MCUB: variants seen among roughly 807,000 people sequenced by gnomAD.
The protein encoded by MCUB is mitochondrial calcium uniporter dominant negative subunit beta, also known as calcium uniporter regulatory subunit MCUb, mitochondrial.
In MCUB, 46 loss-of-function variants were observed where a neutral mutation model predicts 41.4. The ratio of observed to expected loss-of-function variants is 1.11; its 90% CI spans 0.88 to 1.42. The LOEUF (loss-of-function observed/expected upper bound fraction) is 1.42. MCUB is among the 40% of genes most tolerant of loss of function. The probability of loss-of-function intolerance (pLI) is 0.00; values close to 1 mark genes in which losing one functional copy is unlikely to be tolerated. For missense variants in MCUB, 403 were observed against 404.9 expected, an observed-to-expected ratio of 1.00 and a Z score of 0.04; for synonymous variants, 148 against 148.2, an observed-to-expected ratio of 1.00 and a Z score of 0.01.
intron 1 of MCUB, among the ~76,000 whole-genome samples, chr4:109,640,319 T>A (rs1282683061): frequency 6.6e-6 from 1 of 152,222 alleles, no homozygotes; most frequent in Admixed American, 6.5e-5. Flanking sequence ...TCTGGATGTA[T>A]ATGTGCAGGT....
intron 1 of MCUB, among the ~76,000 whole-genome samples, chr4:109,568,609 T>G (rs1579042040): frequency 6.6e-6 from 1 of 152,154 alleles, no homozygotes; most frequent in African/African-American, 2.4e-5. Flanking sequence ...CACAGACCCC[T>G]CTTCAGTTTT....
chr4:109,655,934 G>T (rs1729086556), intron 1 of MCUB, among the ~76,000 whole-genome samples: 1 of 152,100 alleles, frequency 6.6e-6, no homozygotes, highest in African/African-American at 2.4e-5. Flanking sequence ...TGTTTTTAAG[G>T]CTTCCAGGTG....
At chr4:109,669,386 CT>C (rs565271313) in intron 4 of MCUB, among the ~76,000 whole-genome samples, 1 of 151,308 alleles carries the variant, frequency 6.6e-6, no homozygotes, top group Non-Finnish European at 1.5e-5. Flanking sequence ...GGTTTAATTT[CT>C]TTTTTTTTCT....
At chr4:109,583,063 T>C (rs1429420624) in intron 1 of MCUB, among the ~76,000 whole-genome samples, 3 of 152,226 alleles carry the variant, frequency 2.0e-5, no homozygotes, top group African/African-American at 7.2e-5. Flanking sequence ...TTTGGTTCCA[T>C]ATGAACTTTA....
At chr4:109,588,887 T>C (rs1205316093) in intron 1 of MCUB, among the ~76,000 whole-genome samples, 1 of 152,044 alleles carries the variant, frequency 6.6e-6, no homozygotes, top group Non-Finnish European at 1.5e-5. Context: ...GAATGATTGA[T>C]AAAAAGGAAG....
At chr4:109,586,390 G>T (rs1462682342) in intron 1 of MCUB, among the ~76,000 whole-genome samples, 1 of 152,094 alleles carries the variant, frequency 6.6e-6, no homozygotes, top group East Asian at 1.9e-4. Context: ...CTTGCGATGG[G>T]TTCGAACATC....
rs766948826 is a variant in MCUB, at chr4:109,688,362, GAACTT to G, written c.*774_*778del. ...CTGATGACTGTTGGACTGTTTGTAG[GAACTT>G]AACATGGAAGATGCTGACAGAATCA... On this transcript the variant is annotated 3_prime_UTR_variant, in exon 8 of 8. Transcript: ENST00000394650. 6.6e-6 allele frequency: 1 copy of G among 152,192 alleles called. No individual in the cohort carries two copies. The highest frequency in any genetic ancestry group is 1.9e-4 in the East Asian group (1 of 5,196). The allele number at this position is 152,192 out of a possible 1,614,324, so 9.4% of individuals were successfully genotyped here. A position where few individuals can be genotyped will look rare whatever the true frequency, so the allele number is the denominator to read the frequency against.
At chr4:109,590,599 T>G (rs2126128478) in intron 1 of MCUB, among the ~76,000 whole-genome samples, 1 of 152,364 alleles carries the variant, frequency 6.6e-6, no homozygotes, top group African/African-American at 2.4e-5. Flanking sequence ...CATGCACTCC[T>G]TAAAAGCAAT....
chr4:109,597,736 A>G (rs1257932752), intron 1 of MCUB, among the ~76,000 whole-genome samples: 1 of 124,354 alleles, frequency 8.0e-6, no homozygotes, highest in African/African-American at 3.6e-5. Flanking sequence ...CGGGGGGCTG[A>G]CCCCCCCACC....
At chr4:109,664,460 T>G (rs1411211154) in intron 4 of MCUB, 66 bp downstream of exon 4, 1 of 663,046 alleles carries the variant, frequency 1.5e-6, no homozygotes, top group African/African-American at 1.8e-5. Flanking sequence ...TCACTTGCTC[T>G]GTTTCCCAGG....
intron 1 of MCUB, among the ~76,000 whole-genome samples, chr4:109,571,943 G>A (rs1416047016): frequency 2.0e-5 from 3 of 152,226 alleles, no homozygotes; most frequent in Non-Finnish European, 2.9e-5. Context: ...TGATTACTGT[G>A]GGAAGAGGAA....
At chr4:109,680,768 T>C (rs1729696978) in intron 4 of MCUB, among the ~76,000 whole-genome samples, 1 of 152,178 alleles carries the variant, frequency 6.6e-6, no homozygotes, top group African/African-American at 2.4e-5. Context: ...TGATACCAAC[T>C]CTAGACATAT....
chr4:109,675,472 T>G (rs1729551742), intron 4 of MCUB, among the ~76,000 whole-genome samples: 1 of 152,226 alleles, frequency 6.6e-6, no homozygotes, highest in Non-Finnish European at 1.5e-5. Flanking sequence ...CAAGGCCACA[T>G]CATTTGGATG....
chr4:109,573,725 T>C (rs933140199), intron 1 of MCUB, among the ~76,000 whole-genome samples: 1 of 152,136 alleles, frequency 6.6e-6, no homozygotes, highest in Non-Finnish European at 1.5e-5. Context: ...GTCACATTGA[T>C]TGTCAGACTG....
intron 7 of MCUB, among the ~76,000 whole-genome samples, chr4:109,686,964 G>GTT (rs149021049): frequency 2.0e-5 from 3 of 148,490 alleles, no homozygotes; most frequent in Admixed American, 6.7e-5. Flanking sequence ...TAGGTTAAGG[G>GTT]TTTTTTTTTT....
chr4:109,584,970 C>T (rs1484866499), intron 1 of MCUB, among the ~76,000 whole-genome samples: 1 of 152,122 alleles, frequency 6.6e-6, no homozygotes, highest in Non-Finnish European at 1.5e-5. Flanking sequence ...ATTAGGTCTG[C>T]TTGGTCCAGA....
At chr4:109,682,559 G>C in intron 4 of MCUB, 23 bp from the exon 5 acceptor site, 2 of 1,584,278 alleles carry the variant, frequency 1.3e-6, no homozygotes, top group Non-Finnish European at 1.7e-6. Context: ...TGACTGGCTT[G>C]TTTCCCTTGT....
At chr4:109,613,305 C>T (rs111991216) in intron 1 of MCUB, among the ~76,000 whole-genome samples, 8 of 152,222 alleles carry the variant, frequency 5.3e-5, no homozygotes, top group African/African-American at 1.9e-4. Context: ...CAAAATGGCA[C>T]ACATTTATTA....
rs1330377946 is a variant in MCUB, at chr4:109,675,427, G to C, written c.452-7155G>C. Among the ~76,000 whole-genome samples, 4 of 152,210 alleles carry C rather than the reference G, an allele frequency of 2.6e-5. No individual in the cohort carries two copies. The East Asian group carries it at 7.7e-4, about 29-fold the overall frequency. ...CCCCCTCACACCACACACACTAAGA[G>C]AGTTGAACCAACATTTGCATAGTTT... On this transcript the variant is annotated intron_variant, in intron 4 of 7. Coordinates refer to ENST00000394650, the MANE Select transcript of MCUB (RefSeq NM_017918.5).
Sources: gnomAD v4.1 joint callset for allele counts (sites outside exome capture counted in the v4.1 genomes callset) on GRCh38, gnomAD v4.1.1 for gene constraint, MANE v1.5 for transcripts, NCBI Gene and HGNC (gene_info 2026-07-23, HGNC 2026-07-21) for gene names.